Variants in ADAMTSL3 observed in about 807,000 individuals in gnomAD.
ADAMTSL3 encodes ADAMTS-like protein 3.
A neutral mutation model predicts 201.7 loss-of-function variants in ADAMTSL3; 128 were observed. That is an observed-to-expected ratio of 0.63 (90% CI 0.55 to 0.73). The LOEUF is 0.73. ADAMTSL3 is among the 30% of genes least tolerant of loss of function. ADAMTSL3 has a pLI of 0.00. For synonymous variants in ADAMTSL3, 738 were observed against 748.4 expected (o/e 0.99, Z 0.23); for missense variants, 1,990 against 2,119.6 (o/e 0.94, Z 1.20).
chr15:83,903,970 A>AGGGAGGGAGGGAGGGAGGG (rs1567226231), intron 15 of ADAMTSL3, among the ~76,000 whole-genome samples: 1 of 116,604 alleles, frequency 8.6e-6, no homozygotes, highest in Non-Finnish European at 1.7e-5. Flanking sequence ...GAAAGAAAGA[A>AGGGAGGGAGGGAGGGAGGG]AAGGAGCTAC....
intron 3 of ADAMTSL3, among the ~76,000 whole-genome samples, chr15:83,707,921 T>C (rs1382170744): frequency 6.6e-6 from 1 of 152,004 alleles, no homozygotes; most frequent in Non-Finnish European, 1.5e-5. Context: ...CCCTAAAAGG[T>C]TTTCAGAGCA....
At chr15:83,939,153 A>G (rs892944265) in intron 17 of ADAMTSL3, among the ~76,000 whole-genome samples, 4 of 151,986 alleles carry the variant, frequency 2.6e-5, no homozygotes, top group Non-Finnish European at 5.9e-5. Flanking sequence ...ATGTAACATT[A>G]TTTTTCACTT....
At chr15:83,855,342 T>C (rs2064709027) in intron 7 of ADAMTSL3, among the ~76,000 whole-genome samples, 1 of 152,208 alleles carries the variant, frequency 6.6e-6, no homozygotes, top group African/African-American at 2.4e-5. Context: ...CCAATTGTTA[T>C]CCACCACCTC....
intron 6 of ADAMTSL3, among the ~76,000 whole-genome samples, chr15:83,822,553 G>T (rs1221992396): frequency 4.0e-5 from 6 of 148,244 alleles, no homozygotes; most frequent in African/African-American, 1.5e-4. Context: ...TCACATCCCA[G>T]ACGGGGCGGC....
chr15:83,947,610 G>C (rs1202437191), intron 19 of ADAMTSL3, among the ~76,000 whole-genome samples: 1 of 152,046 alleles, frequency 6.6e-6, no homozygotes, highest in East Asian at 1.9e-4. Context: ...TACTTTGATG[G>C]AACATTTGAT....
chr15:83,826,131 G>C (rs764321480), intron 6 of ADAMTSL3, among the ~76,000 whole-genome samples: 4 of 151,782 alleles, frequency 2.6e-5, no homozygotes, highest in Non-Finnish European at 2.9e-5. Flanking sequence ...TTTGAGACAG[G>C]GTCTTGCTTT....
chr15:83,737,948 C>T (rs375700290), intron 3 of ADAMTSL3, among the ~76,000 whole-genome samples: 20 of 152,106 alleles, frequency 1.3e-4, no homozygotes, highest in Non-Finnish European at 2.4e-4. Context: ...CTGAGAAAAA[C>T]GAATTTTAAT....
At chr15:83,755,961 A>G (rs1327152732) in intron 3 of ADAMTSL3, among the ~76,000 whole-genome samples, 7 of 152,204 alleles carry the variant, frequency 4.6e-5, no homozygotes, top group Admixed American at 2.6e-4. Flanking sequence ...GGGTTTTGCC[A>G]TGTTGGCCAG....
At chr15:83,963,709 T>G (rs1198799249) in intron 19 of ADAMTSL3, among the ~76,000 whole-genome samples, 2 of 152,196 alleles carry the variant, frequency 1.3e-5, no homozygotes, top group African/African-American at 4.8e-5. Flanking sequence ...CACCTCCTGA[T>G]GGGGAGACAC....
chr15:83,844,119 A>G (rs1217698274), intron 7 of ADAMTSL3, among the ~76,000 whole-genome samples: 2 of 152,200 alleles, frequency 1.3e-5, no homozygotes, highest in African/African-American at 4.8e-5. Flanking sequence ...GCAAATAAAC[A>G]AGATCGGCTT....
chr15:83,690,905 T>C (rs1596032579), intron 2 of ADAMTSL3, among the ~76,000 whole-genome samples: 1 of 152,244 alleles, frequency 6.6e-6, no homozygotes, highest in East Asian at 1.9e-4. Flanking sequence ...ACTGAAGCCT[T>C]GGGAGCACAA....
intron 3 of ADAMTSL3, among the ~76,000 whole-genome samples, chr15:83,749,970 C>T (rs374133012): frequency 6.6e-6 from 1 of 152,130 alleles, no homozygotes; most frequent in East Asian, 1.9e-4. Flanking sequence ...GTGATCTGTT[C>T]GTTTGTGTTC....
At chr15:83,728,473 G>A (rs2141596889) in intron 3 of ADAMTSL3, among the ~76,000 whole-genome samples, 1 of 151,236 alleles carries the variant, frequency 6.6e-6, no homozygotes, top group Non-Finnish European at 1.5e-5. Flanking sequence ...TTCTCTGGTG[G>A]TATAATTTCT....
At chr15:83,678,337 G>A (rs1448107895) in intron 2 of ADAMTSL3, among the ~76,000 whole-genome samples, 1 of 151,930 alleles carries the variant, frequency 6.6e-6, no homozygotes, top group African/African-American at 2.4e-5. Flanking sequence ...GCCTTCTGGT[G>A]ACAAATTCTT....
intron 8 of ADAMTSL3, among the ~76,000 whole-genome samples, chr15:83,865,662 A>G (rs2064960153): frequency 1.3e-5 from 2 of 152,226 alleles, no homozygotes; most frequent in African/African-American, 2.4e-5. Flanking sequence ...TAAAAACCCT[A>G]GAAGAAAACC....
intron 3 of ADAMTSL3, among the ~76,000 whole-genome samples, chr15:83,719,688 G>T (rs996271902): frequency 2.7e-4 from 41 of 152,286 alleles, no homozygotes; most frequent in African/African-American, 9.6e-4. Context: ...GGGTTCATTA[G>T]ACTTTTCTGT....
At chr15:83,958,041 A>G (rs993452910) in intron 19 of ADAMTSL3, among the ~76,000 whole-genome samples, 1 of 152,214 alleles carries the variant, frequency 6.6e-6, no homozygotes, top group Non-Finnish European at 1.5e-5. Context: ...TAATTTTAAC[A>G]AAAGTAATAT....
rs1022177366 is a variant in ADAMTSL3, at chr15:83,744,343, T to C, written c.190-29180T>C. Among the ~76,000 whole-genome samples, 12 of 152,188 alleles carry C rather than the reference T, an allele frequency of 7.9e-5. No homozygotes were observed. The East Asian group carries it at 2.3e-3, about 29-fold the overall frequency. On this transcript the variant is annotated intron_variant, in intron 3 of 29. Coordinates refer to ENST00000286744, the MANE Select transcript of ADAMTSL3 (RefSeq NM_207517.3). ...TCTAATTTACATACTTCAGATTCCATGATTTTCTCATTCTCACTCTGTGTA... is the reference window on the plus strand; with the variant it reads ...TCTAATTTACATACTTCAGATTCCACGATTTTCTCATTCTCACTCTGTGTA...
chr15:83,737,275 G>C (rs1299400329), intron 3 of ADAMTSL3, among the ~76,000 whole-genome samples: 1 of 152,040 alleles, frequency 6.6e-6, no homozygotes, highest in African/African-American at 2.4e-5. Context: ...GATGAGACAA[G>C]GGAATGGAAG....
Sources: gnomAD v4.1 joint callset for allele counts (sites outside exome capture counted in the v4.1 genomes callset) on GRCh38, gnomAD v4.1.1 for gene constraint, MANE v1.5 for transcripts, NCBI Gene and HGNC (gene_info 2026-07-23, HGNC 2026-07-21) for gene names.